PDGFD: variants seen among roughly 807,000 people sequenced by gnomAD.
PDGFD encodes platelet-derived growth factor D.
In PDGFD, 30 loss-of-function variants were observed where a neutral mutation model predicts 44.7. That is an observed-to-expected ratio of 0.67 (90% CI 0.50 to 0.91). The LOEUF (loss-of-function observed/expected upper bound fraction) is 0.91. Ranked by LOEUF, PDGFD falls within the 40% of genes least tolerant of loss-of-function variation. The pLI, the probability that PDGFD is intolerant of heterozygous loss-of-function variation, is 0.00. For missense variants in PDGFD, 445 were observed against 457.8 expected (o/e 0.97, Z 0.25); for synonymous variants, 173 against 168.4 (o/e 1.03, Z -0.21).
chr11:103,956,047 A>G (rs1279419299), intron 3 of PDGFD, among the ~76,000 whole-genome samples: 1 of 150,020 alleles, frequency 6.7e-6, no homozygotes, highest in Non-Finnish European at 1.5e-5. Context: ...TGATTTCTTC[A>G]GACTGAACTT....
intron 1 of PDGFD, among the ~76,000 whole-genome samples, chr11:104,142,260 T>C (rs928270707): frequency 6.6e-6 from 1 of 152,104 alleles, no homozygotes. Flanking sequence ...TATATAAATA[T>C]GTGTGTGTGT....
At chr11:103,948,949 A>AAAG (rs1565292436) in intron 3 of PDGFD, among the ~76,000 whole-genome samples, 1 of 145,742 alleles carries the variant, frequency 6.9e-6, no homozygotes, top group African/African-American at 2.6e-5. Flanking sequence ...TTAAAGTAAA[A>AAAG]AAAGAAAGAA....
chr11:103,944,924 G>C (rs529878330), intron 4 of PDGFD, among the ~76,000 whole-genome samples: 1 of 152,138 alleles, frequency 6.6e-6, no homozygotes, highest in Non-Finnish European at 1.5e-5. Context: ...GAAATAGACC[G>C]ATGAATGTGT....
At chr11:104,142,197 A>G (rs960068047) in intron 1 of PDGFD, among the ~76,000 whole-genome samples, 1 of 152,000 alleles carries the variant, frequency 6.6e-6, no homozygotes, top group African/African-American at 2.4e-5. Flanking sequence ...GTACATACAT[A>G]TGTTAAATAT....
intron 1 of PDGFD, among the ~76,000 whole-genome samples, chr11:104,095,498 G>A (rs1861271759): frequency 6.6e-6 from 1 of 152,000 alleles, no homozygotes; most frequent in South Asian, 2.1e-4. Flanking sequence ...AAAAGACCCT[G>A]CCATCCACAC....
At chr11:104,160,999 T>TA (rs1451619380) in intron 1 of PDGFD, among the ~76,000 whole-genome samples, 1 of 152,158 alleles carries the variant, frequency 6.6e-6, no homozygotes, top group Admixed American at 6.5e-5. Flanking sequence ...CTGGACAGGA[T>TA]AAAACACACC....
At chr11:104,132,189 C>T (rs565879605) in intron 1 of PDGFD, among the ~76,000 whole-genome samples, 1 of 152,090 alleles carries the variant, frequency 6.6e-6, no homozygotes, top group South Asian at 2.1e-4. Flanking sequence ...TTCCTTGATA[C>T]TCTCTCTTTA....
intron 6 of PDGFD, among the ~76,000 whole-genome samples, chr11:103,926,232 T>C (rs10895546): frequency 0.32 from 48,164 of 152,058 alleles, 8,156 homozygotes; most frequent in East Asian, 0.44. Flanking sequence ...ATATTGTTGA[T>C]GGGGTGCTAA....
At chr11:104,005,705 G>A (rs566118243) in intron 1 of PDGFD, among the ~76,000 whole-genome samples, 1 of 152,250 alleles carries the variant, frequency 6.6e-6, no homozygotes, top group East Asian at 1.9e-4. Context: ...ACTTTACAAA[G>A]GAAGTTCTGA....
chr11:104,106,600 T>C (rs951073377), intron 1 of PDGFD, among the ~76,000 whole-genome samples: 5 of 152,142 alleles, frequency 3.3e-5, no homozygotes, highest in African/African-American at 1.2e-4. Flanking sequence ...CTTTGTTGTA[T>C]ACAGGAAGCT....
intron 3 of PDGFD, among the ~76,000 whole-genome samples, chr11:103,991,090 G>T (rs1415460900): frequency 6.6e-6 from 1 of 151,420 alleles, no homozygotes; most frequent in African/African-American, 2.4e-5. Flanking sequence ...AGTGAGCCGA[G>T]ATTGCACCAC....
At chr11:103,979,557 G>T (rs1859235291) in intron 3 of PDGFD, among the ~76,000 whole-genome samples, 1 of 152,094 alleles carries the variant, frequency 6.6e-6, no homozygotes, top group Admixed American at 6.6e-5. Context: ...GAGAGGCAAA[G>T]AAATGTTTGT....
intron 1 of PDGFD, among the ~76,000 whole-genome samples, chr11:104,043,573 C>T (rs1860393647): frequency 6.6e-6 from 1 of 152,100 alleles, no homozygotes. Context: ...TATTGTGTGG[C>T]TATAAAGGAA....
chr11:104,098,351 A>C (rs1861315567), intron 1 of PDGFD, among the ~76,000 whole-genome samples: 2 of 152,132 alleles, frequency 1.3e-5, no homozygotes, highest in South Asian at 4.1e-4. Flanking sequence ...AGCAAAAGTA[A>C]GAAGAGGAAG....
intron 1 of PDGFD, among the ~76,000 whole-genome samples, chr11:104,060,741 C>T (rs762942691): frequency 2.4e-4 from 37 of 152,086 alleles, no homozygotes; most frequent in Admixed American, 2.6e-4. Context: ...TGCTTCTGTG[C>T]GTGTATTTTT....
At chr11:104,113,389 T>C (rs184809169) in intron 1 of PDGFD, among the ~76,000 whole-genome samples, 148 of 151,812 alleles carry the variant, frequency 9.7e-4, no homozygotes, top group Non-Finnish European at 4.3e-4. Context: ...AATAACAGAG[T>C]GATGCATGTA....
intron 1 of PDGFD, among the ~76,000 whole-genome samples, chr11:104,108,578 T>C (rs1450362395): frequency 2.0e-5 from 3 of 152,080 alleles, no homozygotes; most frequent in African/African-American, 4.8e-5. Flanking sequence ...TGTGGAGAAA[T>C]AGGAACACTT....
At chr11:103,931,268 T>C (rs966663226) in intron 5 of PDGFD, among the ~76,000 whole-genome samples, 3 of 152,246 alleles carry the variant, frequency 2.0e-5, no homozygotes, top group African/African-American at 7.2e-5. Context: ...AATCAAGGTA[T>C]GTAAAGGTAA....
chr11:104,088,941 G>A (rs190646145), intron 1 of PDGFD, among the ~76,000 whole-genome samples: 181 of 151,402 alleles, frequency 1.2e-3, no homozygotes, highest in African/African-American at 4.0e-3. Flanking sequence ...AAAAAACTAC[G>A]GGAAAAAATC....
Sources: gnomAD v4.1 joint callset for allele counts (sites outside exome capture counted in the v4.1 genomes callset) on GRCh38, gnomAD v4.1.1 for gene constraint, MANE v1.5 for transcripts, NCBI Gene and HGNC (gene_info 2026-07-23, HGNC 2026-07-21) for gene names.